Variants in SBF2 observed in about 807,000 individuals in gnomAD.
SBF2 encodes the protein SET binding factor 2.
In SBF2, 112 loss-of-function variants were observed where a neutral mutation model predicts 225.2. That is an observed-to-expected ratio of 0.50 (90% CI 0.43 to 0.58). The LOEUF (loss-of-function observed/expected upper bound fraction) is 0.58, where lower values mean the gene tolerates loss of function less well. Among genes scored for constraint, SBF2 ranks in the 20% least tolerant of loss-of-function variants. The pLI is 0.00. For missense variants in SBF2, 1,996 were observed against 2,206.2 expected (o/e 0.90, Z 1.91); for synonymous variants, 763 against 773.3 (o/e 0.99, Z 0.22).
Position 10,232,731 on chromosome 11 carries a change from G to T in SBF2, c.56-38744C>A, listed in dbSNP as rs796163457. On this transcript the variant is annotated intron_variant, in intron 1 of 39. Transcript: ENST00000256190. ...GGTACACACAATTGTGACCAGTTTAGAACTTTTAAAATGAGTATCTTCTAC... is the reference window on the plus strand; with the variant it reads ...GGTACACACAATTGTGACCAGTTTATAACTTTTAAAATGAGTATCTTCTAC... Among the ~76,000 whole-genome samples the T allele has an allele frequency of 5.9e-5, 9 of 151,824 alleles. 1 individual carries two copies. Among genetic ancestry groups the T allele is most frequent in the African/African-American group, 2.2e-4 (9 of 41,460 alleles).
intron 13 of SBF2, among the ~76,000 whole-genome samples, chr11:9,978,440 A>G (rs1946797875): frequency 6.6e-6 from 1 of 152,172 alleles, no homozygotes; most frequent in Non-Finnish European, 1.5e-5. Context: ...GTACTTAACT[A>G]ATAGAATTTA....
intron 3 of SBF2, among the ~76,000 whole-genome samples, chr11:10,033,699 A>T (rs72858840): frequency 6.8e-6 from 1 of 146,458 alleles, no homozygotes; most frequent in East Asian, 1.9e-4. Flanking sequence ...CAACAAATAA[A>T]CCCCAAATTT....
rs567345969 is a variant in SBF2 at position 9,798,082 on chromosome 11, A to ATCTT, written c.4444-2129_4444-2126dup. Among the ~76,000 whole-genome samples, 723 of 152,334 alleles carry ATCTT rather than the reference A, an allele frequency of 4.7e-3. 11 individuals are homozygous for ATCTT. In the South Asian group the frequency reaches 0.052, roughly 11 times the overall value. ...CATAATTAAGGATCAATATTAAAAA[A>ATCTT]TCTTTTATTTCCTTGTTTTGTTAGC... On this transcript the variant is annotated intron_variant, in intron 32 of 39. Coordinates refer to ENST00000256190, the MANE Select transcript of SBF2 (RefSeq NM_030962.4).
intron 2 of SBF2, among the ~76,000 whole-genome samples, chr11:10,147,825 A>G (rs1954961152): frequency 6.6e-6 from 1 of 152,218 alleles, no homozygotes; most frequent in South Asian, 2.1e-4. Context: ...TTCTTAAAAC[A>G]CTATTGTCCA....
At chr11:9,892,861 T>C (rs191870928) in intron 17 of SBF2, among the ~76,000 whole-genome samples, 156 of 145,404 alleles carry the variant, frequency 1.1e-3, no homozygotes, top group African/African-American at 3.6e-3. Flanking sequence ...ACCCGGTATA[T>C]ACATAACTTT....
chr11:10,246,082 A>G (rs1042321294), intron 1 of SBF2, among the ~76,000 whole-genome samples: 11 of 152,330 alleles, frequency 7.2e-5, no homozygotes, highest in Admixed American at 5.9e-4. Flanking sequence ...AGTTAACATT[A>G]TGGTATACTT....
In SBF2 at chr11:10,133,602, C is replaced by T. The variant is rs929976632; in HGVS notation, c.141+60300G>A. ...CAGGGCTGCCTGGCTGCTCCGAGTG[C>T]GGGGCCCACCAAGCCCACGCCCACC... On this transcript the variant is annotated intron_variant, in intron 2 of 39. Coordinates refer to ENST00000256190, the MANE Select transcript of SBF2 (RefSeq NM_030962.4). 1.5e-4 allele frequency among the ~76,000 whole-genome samples: 21 copies of T among 142,764 alleles called. 2 individuals carry two copies. The highest frequency in any genetic ancestry group is 4.2e-4 in the African/African-American group (17 of 40,078). 93.7% of individuals were successfully genotyped at this position (142,764 alleles called of 152,430 possible).
At chr11:9,942,082 T>C (rs2134296237) in intron 16 of SBF2, among the ~76,000 whole-genome samples, 1 of 152,368 alleles carries the variant, frequency 6.6e-6, no homozygotes. Flanking sequence ...ATCATACATG[T>C]ATTTTTTGAG....
intron 16 of SBF2, among the ~76,000 whole-genome samples, chr11:9,946,773 ATATATG>A (rs536962746): frequency 3.3e-4 from 50 of 152,286 alleles, no homozygotes; most frequent in Non-Finnish European, 6.5e-4. Flanking sequence ...ACAAACACTT[ATATATG>A]TATAACAAAC....
intron 17 of SBF2, among the ~76,000 whole-genome samples, chr11:9,883,317 G>A (rs1248294853): frequency 6.6e-6 from 1 of 151,826 alleles, no homozygotes; most frequent in Non-Finnish European, 1.5e-5. Context: ...AAACTTAGTG[G>A]CTTAAAAACA....
chr11:10,240,237 G>T (rs920490953), intron 1 of SBF2, among the ~76,000 whole-genome samples: 2 of 142,354 alleles, frequency 1.4e-5, no homozygotes, highest in East Asian at 2.1e-4. Context: ...CATTTTAGGA[G>T]ATATGCATAC....
In SBF2 at chr11:9,878,791, C is replaced by G. The variant is rs939510184; in HGVS notation, c.1929+17152G>C. On this transcript the variant is annotated intron_variant, in intron 17 of 39. Coordinates refer to ENST00000256190, the MANE Select transcript of SBF2 (RefSeq NM_030962.4). ...CCAAGAGTATAATAAAACCAGCTAA[C>G]TCCACAGTCATTCAAGATGGCTCTC... Among the ~76,000 whole-genome samples the G allele has an allele frequency of 1.3e-4, 20 of 152,120 alleles. 1 individual carries two copies. Among genetic ancestry groups the G allele is most frequent in the Non-Finnish European group, 8.8e-5 (6 of 68,014 alleles).
At chr11:10,231,198 G>C (rs1461262202) in intron 1 of SBF2, among the ~76,000 whole-genome samples, 2 of 152,136 alleles carry the variant, frequency 1.3e-5, no homozygotes, top group Admixed American at 1.3e-4. Context: ...GGTTATTCTA[G>C]TTAGCCATTC....
At chr11:10,052,916 A>G (rs1950112143) in intron 2 of SBF2, among the ~76,000 whole-genome samples, 1 of 152,216 alleles carries the variant, frequency 6.6e-6, no homozygotes, top group South Asian at 2.1e-4. Flanking sequence ...ATATAAATAC[A>G]TGGCAGAAAA....
At chr11:9,897,871 T>C (rs571336369) in intron 16 of SBF2, among the ~76,000 whole-genome samples, 91 of 152,258 alleles carry the variant, frequency 6.0e-4, no homozygotes, top group African/African-American at 2.1e-3. Context: ...CAGTGTGGTG[T>C]TTTTTCCTCT....
intron 1 of SBF2, among the ~76,000 whole-genome samples, chr11:10,237,090 C>T (rs1399835973): frequency 6.6e-6 from 1 of 152,090 alleles, no homozygotes; most frequent in East Asian, 1.9e-4. Flanking sequence ...GGAACAAAAA[C>T]TGGAGCCACA....
intron 17 of SBF2, among the ~76,000 whole-genome samples, chr11:9,891,250 T>C (rs1343344095): frequency 6.6e-6 from 1 of 152,226 alleles, no homozygotes; most frequent in Non-Finnish European, 1.5e-5. Context: ...GTGGTTCTAT[T>C]TCTGCTCTAC....
chr11:9,987,650 G>A, intron 13 of SBF2, among the ~76,000 whole-genome samples: 1 of 151,880 alleles, frequency 6.6e-6, no homozygotes, highest in Admixed American at 6.6e-5. Flanking sequence ...ACCAAATCAA[G>A]AACTCAACCC....
In SBF2 at chr11:9,781,618, A is replaced by C; in HGVS notation, c.5340T>G (p.Gly1780=). The C allele has an allele frequency of 1.9e-6, 3 of 1,614,176 alleles. No individual in the cohort carries two copies. Among genetic ancestry groups the C allele is most frequent in the Non-Finnish European group, 2.5e-6 (3 of 1,180,024 alleles). The change falls in exon 39 of 40, where the codon GGT becomes GGG. Residue 1780 remains glycine, a synonymous_variant. Transcript: ENST00000256190. ...TGTGGCCTTTACAGCTTGTGTCCTC[A>C]CCTGAGTCATAGTAGCGCAGCTGGA... The part of the protein sequence containing the change: ...TKHQLRYYDS[G]EDTSCKGHID...
Sources: gnomAD v4.1 joint callset for allele counts (sites outside exome capture counted in the v4.1 genomes callset) on GRCh38, gnomAD v4.1.1 for gene constraint, MANE v1.5 for transcripts, NCBI Gene and HGNC (gene_info 2026-07-23, HGNC 2026-07-21) for gene names.